The following XIRP2 variants were observed in gnomAD, a reference collection of about 807,000 sequenced individuals.
The protein encoded by XIRP2 is xin actin binding repeat containing 2.
A neutral mutation model predicts 277.0 loss-of-function variants in XIRP2; 236 were observed. The ratio of observed to expected loss-of-function variants is 0.85; its 90% CI spans 0.77 to 0.95. The LOEUF (loss-of-function observed/expected upper bound fraction) is 0.95, where lower values mean the gene tolerates loss of function less well. Among genes scored for constraint, XIRP2 ranks in the 40% least tolerant of loss-of-function variants. XIRP2 has a pLI of 0.00. For missense variants in XIRP2, 4,640 were observed against 4,157.5 expected (o/e 1.12, Z -3.19); for synonymous variants, 1,490 against 1,416.5 (o/e 1.05, Z -1.17).
chr2:167,218,386 T>G, intron 5 of XIRP2, 86 bp downstream of exon 5: 1 of 1,239,392 alleles, frequency 8.1e-7, no homozygotes, highest in Non-Finnish European at 1.1e-6. Flanking sequence ...CTTTCTTTAG[T>G]GATACATTTA....
Position 167,213,392 on chromosome 2 carries a change from A to G in XIRP2, c.723+2497A>G, listed in dbSNP as rs973041837. On this transcript the variant is annotated intron_variant, in intron 4 of 10. Transcript: ENST00000409195. ...TGGAATTAGAAGCACTGTCTGTCCAACTCCCAAAATTATGTTATTTCTGTT... is the reference window on the plus strand; with the variant it reads ...TGGAATTAGAAGCACTGTCTGTCCAGCTCCCAAAATTATGTTATTTCTGTT... 7.2e-5 allele frequency among the ~76,000 whole-genome samples: 11 copies of G among 152,220 alleles called. No individual in the cohort carries two copies. In the South Asian group the frequency reaches 1.9e-3, roughly 26 times the overall value.
At chr2:166,932,201 A>ACTCT (rs560235482) in intron 2 of XIRP2, among the ~76,000 whole-genome samples, 2 of 134,752 alleles carry the variant, frequency 1.5e-5, no homozygotes, top group Non-Finnish European at 3.2e-5. Flanking sequence ...ATGTATACAC[A>ACTCT]CTCTCTCTCT....
At chr2:167,118,114 C>T (rs1182006054) in intron 2 of XIRP2, among the ~76,000 whole-genome samples, 1 of 152,150 alleles carries the variant, frequency 6.6e-6, no homozygotes, top group Non-Finnish European at 1.5e-5. Flanking sequence ...ATGCAATAGT[C>T]TTGAGAGGTG....
In XIRP2 at chr2:167,251,855, G is replaced by A. The variant is rs754476317; in HGVS notation, c.10463G>A (p.Gly3488Glu). ...KNFQKTWQES[G>E]RVFKGLGYAT... ...TTTCAAAAGACGTGGCAAGAGAGTG[G>A]AAGAGTTTTTAAAGGCCTGGGATAT... Residue 3488 changes from glycine (G) to glutamate (E), a missense_variant, in exon 9 of 11, where the codon GGA becomes GAA. Transcript: ENST00000409195. The A allele has an allele frequency of 1.2e-6, 2 of 1,612,488 alleles. No individual in the cohort carries two copies. The highest frequency in any genetic ancestry group is 1.7e-6 in the Non-Finnish European group (2 of 1,179,274).
intron 3 of XIRP2, among the ~76,000 whole-genome samples, chr2:167,155,431 G>C (rs201377490): frequency 1.3e-5 from 2 of 152,006 alleles, no homozygotes; most frequent in Non-Finnish European, 2.9e-5. Flanking sequence ...GGGATGCAAG[G>C]CTGGTTCAAT....
At chr2:167,202,608 T>C (rs890647005) in intron 3 of XIRP2, among the ~76,000 whole-genome samples, 1 of 152,190 alleles carries the variant, frequency 6.6e-6, no homozygotes, top group Admixed American at 6.5e-5. Context: ...TGTATTTACG[T>C]GTCTGTGCAA....
chr2:167,017,933 T>G (rs1687876881), intron 2 of XIRP2, among the ~76,000 whole-genome samples: 1 of 151,990 alleles, frequency 6.6e-6, no homozygotes, highest in Non-Finnish European at 1.5e-5. Flanking sequence ...ACTGCGCACT[T>G]GGACATCTCT....
intron 2 of XIRP2, among the ~76,000 whole-genome samples, chr2:167,111,610 A>G (rs1414631292): frequency 6.6e-6 from 1 of 151,918 alleles, no homozygotes; most frequent in Non-Finnish European, 1.5e-5. Flanking sequence ...TATGTTCATC[A>G]AGGTTACTGG....
intron 2 of XIRP2, among the ~76,000 whole-genome samples, chr2:166,984,052 C>T (rs1558938183): frequency 1.3e-5 from 2 of 152,196 alleles, no homozygotes; most frequent in African/African-American, 4.8e-5. Context: ...AATTTCTCCA[C>T]TTTGCTGCAT....
At chr2:167,074,170 C>A (rs1271014364) in intron 2 of XIRP2, among the ~76,000 whole-genome samples, 1 of 152,122 alleles carries the variant, frequency 6.6e-6, no homozygotes, top group African/African-American at 2.4e-5. Context: ...TGATATTTCT[C>A]AGTCTCAGTT....
intron 2 of XIRP2, among the ~76,000 whole-genome samples, chr2:167,088,478 C>T (rs796345497): frequency 6.6e-6 from 1 of 152,126 alleles, no homozygotes; most frequent in Non-Finnish European, 1.5e-5. Flanking sequence ...TTAGTACAAC[C>T]TATTCTCCAC....
chr2:167,085,230 A>G (rs977582462), intron 2 of XIRP2, among the ~76,000 whole-genome samples: 9 of 151,388 alleles, frequency 5.9e-5, no homozygotes, highest in African/African-American at 2.2e-4. Flanking sequence ...CAGGTTGTTC[A>G]GTTTCCATGT....
At chr2:167,225,726 G>A (rs1253885248) in intron 5 of XIRP2, among the ~76,000 whole-genome samples, 3 of 152,048 alleles carry the variant, frequency 2.0e-5, no homozygotes, top group Non-Finnish European at 4.4e-5. Flanking sequence ...ATATAAATAA[G>A]GCTCATAGAC....
At chr2:167,157,980 G>T (rs1001948278) in intron 3 of XIRP2, among the ~76,000 whole-genome samples, 1 of 152,006 alleles carries the variant, frequency 6.6e-6, no homozygotes, top group African/African-American at 2.4e-5. Context: ...AAAATAAAAG[G>T]CATTAAATAT....
intron 2 of XIRP2, among the ~76,000 whole-genome samples, chr2:167,010,754 G>A (rs565252181): frequency 1.3e-5 from 2 of 151,962 alleles, no homozygotes; most frequent in African/African-American, 4.8e-5. Context: ...ATTGAGCAGT[G>A]GTTTGTAGTT....
At chr2:167,054,378 G>T (rs1167845188) in intron 2 of XIRP2, among the ~76,000 whole-genome samples, 1 of 152,068 alleles carries the variant, frequency 6.6e-6, no homozygotes, top group African/African-American at 2.4e-5. Context: ...TGGTTCATGT[G>T]TTCTGAGGTC....
chr2:167,103,656 A>G (rs1690543352), intron 2 of XIRP2, among the ~76,000 whole-genome samples: 1 of 152,170 alleles, frequency 6.6e-6, no homozygotes, highest in African/African-American at 2.4e-5. Context: ...ATTTGTCTTT[A>G]TACTTTGGTT....
intron 2 of XIRP2, among the ~76,000 whole-genome samples, chr2:167,078,564 T>C (rs1199124926): frequency 1.3e-5 from 2 of 151,390 alleles, no homozygotes; most frequent in East Asian, 2.0e-4. Flanking sequence ...TGGCCGGGAG[T>C]GGTGGCTCAC....
At chr2:167,122,943 T>C (rs1334061703) in intron 2 of XIRP2, among the ~76,000 whole-genome samples, 1 of 152,172 alleles carries the variant, frequency 6.6e-6, no homozygotes, top group Non-Finnish European at 1.5e-5. Flanking sequence ...AATTTGTGCT[T>C]GCTTGTCAAG....
Sources: allele counts gnomAD v4.1 joint callset (sites outside exome capture counted in the v4.1 genomes callset), GRCh38; gene constraint gnomAD v4.1.1; transcripts MANE v1.5; gene names NCBI Gene and HGNC (gene_info 2026-07-23, HGNC 2026-07-21).